The following SLC35D2 variants were observed in gnomAD, a reference collection of about 807,000 sequenced individuals.
SLC35D2 encodes the protein solute carrier family 35 member D2.
SLC35D2 carries 43 observed loss-of-function variants against 41.8 expected under a neutral mutation model. That is an observed-to-expected ratio of 1.03 (90% confidence interval 0.81 to 1.33). The LOEUF (loss-of-function observed/expected upper bound fraction) is 1.33, where lower values mean the gene tolerates loss of function less well. Ranked by LOEUF, SLC35D2 falls within the 40% of genes most tolerant of loss-of-function variation. The pLI is 0.00. For synonymous variants in SLC35D2, 150 were observed against 163.9 expected, an observed-to-expected ratio of 0.92 and a Z score of 0.65; for missense variants, 380 against 408.4, an observed-to-expected ratio of 0.93 and a Z score of 0.60.
At chr9:96,326,856 A>G (rs1828558516) in intron 9 of SLC35D2, among the ~76,000 whole-genome samples, 1 of 152,106 alleles carries the variant, frequency 6.6e-6, no homozygotes, top group African/African-American at 2.4e-5. Flanking sequence ...TATAATTTTA[A>G]TAAATCTAAC....
chr9:96,348,087 T>C (rs1829656974), intron 6 of SLC35D2, among the ~76,000 whole-genome samples: 2 of 152,188 alleles, frequency 1.3e-5, no homozygotes, highest in African/African-American at 4.8e-5. Context: ...TAAACTTGCT[T>C]TCACGCTGCA....
In SLC35D2 at chr9:96,349,522, T is replaced by C. The variant is rs1180611230; in HGVS notation, c.488+1581A>G. ...CTTTCTCTCCTCTCAATCTGCTCTT[T>C]TGTCAGTTCCTTTTTTTTTTTGAGA... On this transcript the variant is annotated intron_variant, in intron 6 of 11. Transcript: ENST00000253270. Among the ~76,000 whole-genome samples, 3 of 151,268 alleles carry C rather than the reference T, an allele frequency of 2.0e-5. No individual in the cohort carries two copies. In the East Asian group the frequency reaches 5.8e-4, roughly 29 times the overall value.
At chr9:96,347,740 G>C (rs1039548597) in intron 6 of SLC35D2, among the ~76,000 whole-genome samples, 11 of 152,076 alleles carry the variant, frequency 7.2e-5, no homozygotes, top group Admixed American at 7.2e-4. Flanking sequence ...ATTCCCAGGC[G>C]GTTAAGGCAT....
At chr9:96,354,100 A>C (rs750270574) in intron 4 of SLC35D2, among the ~76,000 whole-genome samples, 1 of 152,252 alleles carries the variant, frequency 6.6e-6, no homozygotes, top group South Asian at 2.1e-4. Flanking sequence ...AAAACGCTTT[A>C]TATTTTCAAT....
At chr9:96,373,896 G>A (rs1830822191) in intron 1 of SLC35D2, 2 of 152,160 alleles carry the variant, frequency 1.3e-5, no homozygotes, top group East Asian at 1.9e-4. Context: ...TTGTTGTTAA[G>A]TTTGTTAAAA....
At chr9:96,360,650 A>AAAAAAG (rs1564116703) in intron 3 of SLC35D2, among the ~76,000 whole-genome samples, 1 of 132,746 alleles carries the variant, frequency 7.5e-6, no homozygotes, top group African/African-American at 3.0e-5. Flanking sequence ...AAAAAAAAAA[A>AAAAAAG]AAAAGAAAAG....
At chr9:96,351,620 C>T (rs1285139667) in intron 5 of SLC35D2, among the ~76,000 whole-genome samples, 1 of 151,796 alleles carries the variant, frequency 6.6e-6, no homozygotes, top group Non-Finnish European at 1.5e-5. Context: ...AATTTTATAC[C>T]AACAATATAA....
At chr9:96,381,415 C>A (rs1363364072) in intron 1 of SLC35D2, among the ~76,000 whole-genome samples, 1 of 152,196 alleles carries the variant, frequency 6.6e-6, no homozygotes, top group Non-Finnish European at 1.5e-5. Flanking sequence ...GCTACCATTC[C>A]CATTCAAACT....
rs1009869029 is a variant in SLC35D2 at position 96,344,016 on chromosome 9, A to G, written c.592-20T>C. ...TAGCTCCTGCAAAAACAAAAATGTAAAAACCACTCAGTTTCAGAAACGTGA... is the reference window on the plus strand; with the variant it reads ...TAGCTCCTGCAAAAACAAAAATGTAGAAACCACTCAGTTTCAGAAACGTGA... On this transcript the variant is annotated intron_variant, in intron 7 of 11. Coordinates refer to ENST00000253270, the MANE Select transcript of SLC35D2 (RefSeq NM_007001.3). 6.6e-7 allele frequency: 1 copy of G among 1,513,254 alleles called. No individual in the cohort carries two copies. The highest frequency in any genetic ancestry group is 1.4e-5 in the African/African-American group (1 of 70,862). 93.7% of individuals were successfully genotyped at this position (1,513,254 alleles called of 1,614,324 possible). A position where few individuals can be genotyped will look rare whatever the true frequency, so the allele number is the denominator to read the frequency against.
At chr9:96,320,086 C>CT (rs1200530649), downstream of SLC35D2, among the ~76,000 whole-genome samples, 3 of 152,204 alleles carry the variant, frequency 2.0e-5, no homozygotes, top group Admixed American at 6.5e-5. Flanking sequence ...AAAAGGCACC[C>CT]TATCCATTTG....
intron 6 of SLC35D2, among the ~76,000 whole-genome samples, chr9:96,347,589 G>A (rs1829636357): frequency 6.6e-6 from 1 of 151,944 alleles, no homozygotes; most frequent in South Asian, 2.1e-4. Flanking sequence ...ATGTTGCCAG[G>A]GCTGGTCTCG....
At position 96,376,422 on chromosome 9, in the gene SLC35D2, T is replaced by C. The variant is rs560171231; in HGVS notation, c.158+7055A>G. Among the ~76,000 whole-genome samples the C allele has an allele frequency of 2.6e-3, 398 of 150,952 alleles. 1 individual carries two copies. Among genetic ancestry groups the C allele is most frequent in the African/African-American group, 9.2e-3 (376 of 41,064 alleles). Reference sequence around the variant, plus strand: ...GAGTTCGAGACCAGCCTGGCCAATATGGTGAAACCCCGTCTCTACTAAAAA... The same window carrying C: ...GAGTTCGAGACCAGCCTGGCCAATACGGTGAAACCCCGTCTCTACTAAAAA... On this transcript the variant is annotated intron_variant, in intron 1 of 11. Transcript: ENST00000253270.
intron 1 of SLC35D2, chr9:96,373,913 T>TG (rs1226778641): frequency 6.6e-6 from 1 of 152,180 alleles, no homozygotes; most frequent in African/African-American, 2.4e-5. Context: ...AAAAGTCAAA[T>TG]GATACAATGT....
chr9:96,358,077 AT>A lies in SLC35D2; in HGVS notation c.347+2076del, dbSNP rs1554715391. 2.6e-4 allele frequency among the ~76,000 whole-genome samples: 21 copies of A among 82,214 alleles called. 1 individual carries two copies. The highest frequency in any genetic ancestry group is 1.2e-3 in the African/African-American group (17 of 14,724). 53.9% of individuals were successfully genotyped at this position (82,214 alleles called of 152,430 possible). The stretch of plus-strand genomic sequence containing the variant: ...TAAATGGATAAACAAAATATTATAT[AT>A]TTTATATATATATATATATATATAT... On this transcript the variant is annotated intron_variant, in intron 4 of 11. Transcript: ENST00000253270.
At chr9:96,354,766 CAAAAAAAAAAAAAAA>C (rs59013884) in intron 4 of SLC35D2, among the ~76,000 whole-genome samples, 2 of 46,712 alleles carry the variant, frequency 4.3e-5, no homozygotes, top group South Asian at 1.8e-3. Context: ...GACTCCATCT[CAAAAAAAAAAAAAAA>C]AAAAAAAAAA....
chr9:96,322,795 T>C (rs1828313524), intron 10 of SLC35D2, among the ~76,000 whole-genome samples: 1 of 143,018 alleles, frequency 7.0e-6, no homozygotes, highest in Non-Finnish European at 1.5e-5. Context: ...CTCAGCTCAC[T>C]GCAACCTTTG....
At chr9:96,380,012 C>T (rs34154167) in intron 1 of SLC35D2, among the ~76,000 whole-genome samples, 3,833 of 151,738 alleles carry the variant, frequency 0.025, 69 homozygotes, top group Middle Eastern at 0.054. Flanking sequence ...ATTCTCTGCC[C>T]CAGCCTCCTG....
At chr9:96,340,619 C>CAAAAAAAAAAA (rs57501812) in intron 8 of SLC35D2, among the ~76,000 whole-genome samples, 1 of 35,382 alleles carries the variant, frequency 2.8e-5, no homozygotes, top group African/African-American at 1.1e-4. Flanking sequence ...GACTCCATCT[C>CAAAAAAAAAAA]AAAAAAAAAA....
At chr9:96,360,252 G>C (rs746833898) in intron 3 of SLC35D2, 31 bp from the exon 4 acceptor site, 7 of 1,530,262 alleles carry the variant, frequency 4.6e-6, no homozygotes, top group Non-Finnish European at 6.3e-6. Context: ...AGAAATATTT[G>C]GTTAGAACTC....
Sources: gnomAD v4.1 joint callset for allele counts (sites outside exome capture counted in the v4.1 genomes callset) on GRCh38, gnomAD v4.1.1 for gene constraint, MANE v1.5 for transcripts, NCBI Gene and HGNC (gene_info 2026-07-23, HGNC 2026-07-21) for gene names.